Variants in ASPRV1 observed in about 807,000 individuals in gnomAD.
The protein encoded by ASPRV1 is aspartic peptidase retroviral like 1.
In ASPRV1, 7 loss-of-function variants were observed where a neutral mutation model predicts 11.0. The ratio of observed to expected loss-of-function variants is 0.64; its 90% confidence interval spans 0.36 to 1.20. The LOEUF is 1.20. Ranked by LOEUF, ASPRV1 falls within the 50% of genes most tolerant of loss-of-function variation. The pLI, the probability that ASPRV1 is intolerant of heterozygous loss-of-function variation, is 0.02. For missense variants in ASPRV1, 299 were observed against 320.0 expected (o/e 0.93, Z 0.50); for synonymous variants, 136 against 138.4 (o/e 0.98, Z 0.12).
chr2:69,968,550 T>A, the ASPRV1 span: 2 of 152,156 alleles, frequency 1.3e-5, no homozygotes, highest in African/African-American at 4.8e-5. Context: ...CAAAAAAAAC[T>A]GGTCCATAAA....
the ASPRV1 span, among the ~76,000 whole-genome samples, chr2:70,023,649 G>A: frequency 2.0e-5 from 3 of 150,152 alleles, no homozygotes; most frequent in African/African-American, 7.5e-5. Context: ...ACTCCAGCCT[G>A]GGCAACGGAG....
chr2:70,032,477 C>A, the ASPRV1 span, among the ~76,000 whole-genome samples: 2 of 148,976 alleles, frequency 1.3e-5, no homozygotes, highest in Non-Finnish European at 3.0e-5. Context: ...AGCAACCTGG[C>A]GAGACTTGGT....
the ASPRV1 span, among the ~76,000 whole-genome samples, chr2:69,996,391 C>CA: frequency 5.0e-4 from 74 of 147,766 alleles, no homozygotes; most frequent in East Asian, 8.8e-3. Context: ...GACCTTGTCT[C>CA]AAAAAAAAAA....
At chr2:69,993,530 A>T in the ASPRV1 span, 2 of 152,208 alleles carry the variant, frequency 1.3e-5, no homozygotes, top group Non-Finnish European at 2.9e-5. Flanking sequence ...TTGGTCTCCA[A>T]GGTCCTGTGA....
the ASPRV1 span, among the ~76,000 whole-genome samples, chr2:70,084,385 C>G: frequency 7.2e-5 from 11 of 152,314 alleles, no homozygotes; most frequent in South Asian, 2.3e-3. Flanking sequence ...AGACAGGACT[C>G]TCTGCAGAGA....
chr2:69,978,737 A>G, the ASPRV1 span, among the ~76,000 whole-genome samples: 1 of 152,142 alleles, frequency 6.6e-6, no homozygotes, highest in Non-Finnish European at 1.5e-5. Context: ...CGCGCCCTCC[A>G]AGGTGGTAGC....
the ASPRV1 span, among the ~76,000 whole-genome samples, chr2:70,021,677 T>C: frequency 1.3e-5 from 2 of 150,784 alleles, no homozygotes; most frequent in Non-Finnish European, 2.9e-5. Flanking sequence ...AACAATACGG[T>C]ATTGTGCACT....
the ASPRV1 span, chr2:70,086,407 A>AG: frequency 8.5e-5 from 13 of 152,246 alleles, no homozygotes; most frequent in African/African-American, 2.9e-4. Flanking sequence ...CCAAGGAGGA[A>AG]GGGGAAAAGG....
At chr2:70,086,988 G>GGCCTCGCCTC in the ASPRV1 span, 1 of 152,060 alleles carries the variant, frequency 6.6e-6, no homozygotes, top group Non-Finnish European at 1.5e-5. Context: ...CCGCTCCGCA[G>GGCCTCGCCTC]GCCTCGCCTC....
At chr2:70,051,846 A>G in the ASPRV1 span, among the ~76,000 whole-genome samples, 1 of 152,080 alleles carries the variant, frequency 6.6e-6, no homozygotes, top group Admixed American at 6.6e-5. Flanking sequence ...GAAGCAGCAC[A>G]TGCCTGTAGT....
At position 69,960,838 on chromosome 2, in the gene ASPRV1, A is replaced by G; in HGVS notation, c.599T>C (p.Ile200Thr). 1 of 1,614,144 alleles carries G rather than the reference A, an allele frequency of 6.2e-7. No individual in the cohort carries two copies. ...VANASAEEAIIGTDVLQDHNA... is the reference protein window; with the variant it reads ...VANASAEEAITGTDVLQDHNA... ...GTGGTCCTGGAGCACATCAGTGCCA[A>G]TGATGGCTTCCTCGGCACTCGCATT... The change falls in exon 1 of 1, where the codon ATT becomes ACT. Residue 200 changes from isoleucine (I) to threonine (T), a missense_variant. Transcript: ENST00000320256.
At chr2:70,003,689 T>C in the ASPRV1 span, among the ~76,000 whole-genome samples, 3 of 152,222 alleles carry the variant, frequency 2.0e-5, no homozygotes, top group Non-Finnish European at 4.4e-5. Context: ...CCATGACGGC[T>C]GCCAGAGGCC....
chr2:70,039,346 C>G, the ASPRV1 span, among the ~76,000 whole-genome samples: 1 of 152,104 alleles, frequency 6.6e-6, no homozygotes, highest in Non-Finnish European at 1.5e-5. Context: ...AGTAAACCAT[C>G]CATAATCTAA....
chr2:70,018,778 G>C, the ASPRV1 span, among the ~76,000 whole-genome samples: 1 of 152,122 alleles, frequency 6.6e-6, no homozygotes, highest in Non-Finnish European at 1.5e-5. Context: ...TCAAATAAAA[G>C]TGGATTAAAG....
chr2:70,072,882 T>C, the ASPRV1 span, among the ~76,000 whole-genome samples: 1 of 142,132 alleles, frequency 7.0e-6, no homozygotes, highest in Non-Finnish European at 1.5e-5. Context: ...TGAAACCTTG[T>C]CTCTATAAAA....
chr2:69,990,442 C>G, the ASPRV1 span, among the ~76,000 whole-genome samples: 467 of 152,136 alleles, frequency 3.1e-3, 2 homozygotes, highest in African/African-American at 0.011. Context: ...CCTCAGCCTC[C>G]CAAAGTGCTT....
At chr2:69,964,403 G>T (rs1445575255), upstream of ASPRV1, 2 of 443,750 alleles carry the variant, frequency 4.5e-6, no homozygotes, top group Non-Finnish European at 4.5e-6. Context: ...TCAGCCTCTG[G>T]CCGAGTCTGG....
the ASPRV1 span, among the ~76,000 whole-genome samples, chr2:70,066,156 C>T: frequency 5.3e-5 from 8 of 152,034 alleles, no homozygotes; most frequent in Admixed American, 4.6e-4. Flanking sequence ...TTGCATGAGC[C>T]GAAATCATGC....
upstream of ASPRV1, chr2:69,963,593 C>T (rs1678215461): frequency 7.8e-6 from 3 of 384,122 alleles, no homozygotes; most frequent in Admixed American, 9.2e-5. Flanking sequence ...CTGCCAAATG[C>T]CCTGAACCGG....
Sources: gnomAD v4.1 joint callset for allele counts (sites outside exome capture counted in the v4.1 genomes callset) on GRCh38, gnomAD v4.1.1 for gene constraint, MANE v1.5 for transcripts, NCBI Gene and HGNC (gene_info 2026-07-23, HGNC 2026-07-21) for gene names.